LRMDA: variants seen among roughly 807,000 people sequenced by gnomAD.
LRMDA encodes the protein leucine rich melanocyte differentiation associated.
A neutral mutation model predicts 29.8 loss-of-function variants in LRMDA; 18 were observed. The observed-to-expected ratio is 0.60, with a 90% confidence interval of 0.42 to 0.90. LRMDA has a LOEUF of 0.90. LRMDA is among the 40% of genes least tolerant of loss of function. The pLI, the probability that LRMDA is intolerant of heterozygous loss-of-function variation, is 0.00. For missense variants in LRMDA, 273 were observed against 273.9 expected (o/e 1.00, Z 0.02); for synonymous variants, 125 against 109.4 (o/e 1.14, Z -0.89).
chr10:76,157,742 G>T (rs961849931), intron 5 of LRMDA, among the ~76,000 whole-genome samples: 2 of 151,844 alleles, frequency 1.3e-5, no homozygotes, highest in Non-Finnish European at 2.9e-5. Context: ...GTGTGTATAG[G>T]CATGTGTCAC....
At chr10:75,625,464 C>A (rs992321772) in intron 2 of LRMDA, among the ~76,000 whole-genome samples, 20 of 152,160 alleles carry the variant, frequency 1.3e-4, no homozygotes, top group Admixed American at 3.3e-4. Flanking sequence ...ATTCTCAAGA[C>A]TCCAGGCTGA....
chr10:76,093,502 T>C (rs148323471), intron 5 of LRMDA, among the ~76,000 whole-genome samples: 1 of 152,314 alleles, frequency 6.6e-6, no homozygotes, highest in East Asian at 1.9e-4. Flanking sequence ...TCATTGATCC[T>C]TTAAAAATAA....
At chr10:75,922,142 G>A (rs546187906) in intron 2 of LRMDA, among the ~76,000 whole-genome samples, 1 of 152,312 alleles carries the variant, frequency 6.6e-6, no homozygotes, top group African/African-American at 2.4e-5. Flanking sequence ...GAAAGTCATG[G>A]CGTCTGTTTC....
chr10:75,969,607 TTTC>T (rs1409268120), intron 2 of LRMDA, among the ~76,000 whole-genome samples: 4 of 152,246 alleles, frequency 2.6e-5, no homozygotes, highest in Non-Finnish European at 4.4e-5. Context: ...TGTTTCCTTT[TTTC>T]TTCTTGGTAC....
intron 6 of LRMDA, among the ~76,000 whole-genome samples, chr10:76,434,479 C>G (rs1298500957): frequency 6.6e-6 from 1 of 152,146 alleles, no homozygotes; most frequent in Admixed American, 6.6e-5. Context: ...GCAATGGGAA[C>G]TGAGGTTACA....
intron 5 of LRMDA, among the ~76,000 whole-genome samples, chr10:76,075,427 G>A (rs918937072): frequency 6.6e-6 from 1 of 152,198 alleles, no homozygotes; most frequent in African/African-American, 2.4e-5. Context: ...AGCCCTGTGG[G>A]CACCTTGATC....
chr10:75,978,574 C>G (rs1847113358), intron 2 of LRMDA, among the ~76,000 whole-genome samples: 1 of 152,142 alleles, frequency 6.6e-6, no homozygotes, highest in Admixed American at 6.5e-5. Flanking sequence ...AATCCAGGTT[C>G]TGTTACAAAG....
At position 76,047,046 on chromosome 10, in the gene LRMDA, A is replaced by G. The variant is rs1848450542; in HGVS notation, c.259-118A>G. The G allele has an allele frequency of 2.6e-5, 29 of 1,103,298 alleles. No individual in the cohort carries two copies. In the South Asian group the frequency reaches 4.1e-4, roughly 16 times the overall value. The allele number at this position is 1,103,298 out of a possible 1,614,324, so 68.3% of individuals were successfully genotyped here. On this transcript the variant is annotated intron_variant, in intron 3 of 6. Coordinates refer to ENST00000611255, the MANE Select transcript of LRMDA (RefSeq NM_001305581.2). ...GTATACCCACAGCTGAATTGATTTC[A>G]GCCCCCACCCTGAGGTCTCACAGGA... is the stretch of plus-strand genomic sequence containing the variant.
At chr10:76,050,017 C>T (rs576076975) in intron 4 of LRMDA, among the ~76,000 whole-genome samples, 2 of 152,280 alleles carry the variant, frequency 1.3e-5, no homozygotes, top group South Asian at 4.2e-4. Context: ...AGCAAGAACC[C>T]ATGGTTCATT....
At chr10:75,689,043 C>G (rs1175777032) in intron 2 of LRMDA, among the ~76,000 whole-genome samples, 1 of 151,654 alleles carries the variant, frequency 6.6e-6, no homozygotes, top group African/African-American at 2.4e-5. Flanking sequence ...AAAAAAAAAC[C>G]CAATTTGGAT....
At chr10:76,248,119 T>C (rs1422995362) in intron 5 of LRMDA, among the ~76,000 whole-genome samples, 4 of 152,190 alleles carry the variant, frequency 2.6e-5, no homozygotes, top group African/African-American at 7.2e-5. Flanking sequence ...TGGCTCTCAA[T>C]TGGGAGCTAT....
At chr10:75,825,291 C>G (rs542044694) in intron 2 of LRMDA, among the ~76,000 whole-genome samples, 5 of 152,266 alleles carry the variant, frequency 3.3e-5, no homozygotes, top group African/African-American at 1.2e-4. Flanking sequence ...AGTTTTTCTA[C>G]AAACTTTGGG....
At chr10:76,412,957 G>T (rs997762927) in intron 6 of LRMDA, among the ~76,000 whole-genome samples, 6 of 151,526 alleles carry the variant, frequency 4.0e-5, no homozygotes, top group Non-Finnish European at 8.8e-5. Context: ...CTCCTCTCTG[G>T]ATTACAGCTG....
intron 5 of LRMDA, among the ~76,000 whole-genome samples, chr10:76,177,182 A>C (rs1311101648): frequency 6.6e-6 from 1 of 152,210 alleles, no homozygotes; most frequent in Non-Finnish European, 1.5e-5. Flanking sequence ...TAATCGGAGA[A>C]GAATTTCTCT....
chr10:75,774,752 T>C (rs1422398614), intron 2 of LRMDA, among the ~76,000 whole-genome samples: 1 of 152,118 alleles, frequency 6.6e-6, no homozygotes, highest in African/African-American at 2.4e-5. Flanking sequence ...GCAAGACAAC[T>C]GACAAGTTAA....
chr10:76,365,372 A>G (rs1243816683), intron 6 of LRMDA, among the ~76,000 whole-genome samples: 2 of 152,182 alleles, frequency 1.3e-5, no homozygotes, highest in South Asian at 4.2e-4. Flanking sequence ...CCCGCAGTGT[A>G]GAAGTGTTCC....
intron 4 of LRMDA, among the ~76,000 whole-genome samples, chr10:76,049,305 C>G (rs1040548871): frequency 1.3e-5 from 2 of 152,138 alleles, no homozygotes; most frequent in African/African-American, 4.8e-5. Flanking sequence ...TTCTAGAGGT[C>G]ATACAAAACC....
At chr10:75,808,457 C>T (rs1201677852) in intron 2 of LRMDA, among the ~76,000 whole-genome samples, 1 of 152,208 alleles carries the variant, frequency 6.6e-6, no homozygotes, top group Non-Finnish European at 1.5e-5. Flanking sequence ...TTTTTCTTTT[C>T]TATACATAGC....
chr10:76,479,959 C>G (rs1002054003), intron 6 of LRMDA, among the ~76,000 whole-genome samples: 1 of 151,876 alleles, frequency 6.6e-6, no homozygotes, highest in Non-Finnish European at 1.5e-5. Flanking sequence ...GTGGCAAAAA[C>G]AATTATGATT....
Sources: gnomAD v4.1 joint callset for allele counts (sites outside exome capture counted in the v4.1 genomes callset) on GRCh38, gnomAD v4.1.1 for gene constraint, MANE v1.5 for transcripts, NCBI Gene and HGNC (gene_info 2026-07-23, HGNC 2026-07-21) for gene names.